NBEA: variants seen among roughly 807,000 people sequenced by gnomAD.
NBEA encodes lysosomal-trafficking regulator 2.
A neutral mutation model predicts 343.4 loss-of-function variants in NBEA; 44 were observed. The ratio of observed to expected loss-of-function variants is 0.13; its 90% CI spans 0.10 to 0.16. The LOEUF is 0.16. Among genes scored for constraint, NBEA ranks in the 10% least tolerant of loss-of-function variants. NBEA has a pLI of 1.00. For synonymous variants in NBEA, 1,175 were observed against 1,238.7 expected (o/e 0.95, Z 1.08); for missense variants, 2,555 against 3,631.3 (o/e 0.70, Z 7.62).
At chr13:35,450,856 C>A (rs12864883) in intron 39 of NBEA, among the ~76,000 whole-genome samples, 20,245 of 152,078 alleles carry the variant, frequency 0.13, 1,775 homozygotes, top group East Asian at 0.31. Flanking sequence ...AGAAGTATTT[C>A]ATGTCTGTGG....
intron 40 of NBEA, among the ~76,000 whole-genome samples, chr13:35,468,365 C>T (rs945849155): frequency 6.6e-6 from 1 of 152,152 alleles, no homozygotes; most frequent in African/African-American, 2.4e-5. Flanking sequence ...TAAGCACAGA[C>T]AAAAGCAAGA....
chr13:35,260,306 T>C (rs2152797388), intron 34 of NBEA, among the ~76,000 whole-genome samples: 1 of 152,370 alleles, frequency 6.6e-6, no homozygotes, highest in East Asian at 1.9e-4. Context: ...CATACTTTGA[T>C]TTCTTCTTTT....
intron 8 of NBEA, 96 bp downstream of exon 8, chr13:35,058,959 AGAGTC>A (rs1319446200): frequency 1.4e-4 from 149 of 1,055,650 alleles, no homozygotes; most frequent in Non-Finnish European, 1.8e-4. Flanking sequence ...ATACGGTTTA[AGAGTC>A]ATTTCTATTT....
chr13:35,004,478 G>A (rs1431029680), intron 1 of NBEA, among the ~76,000 whole-genome samples: 1 of 152,154 alleles, frequency 6.6e-6, no homozygotes, highest in Non-Finnish European at 1.5e-5. Context: ...GGGGAAAAAA[G>A]CACTGGACAA....
Position 34,996,064 on chromosome 13 carries a change from A to G in NBEA, c.295-44869A>G, listed in dbSNP as rs1048528117. Among the ~76,000 whole-genome samples the G allele has an allele frequency of 2.0e-5, 3 of 152,166 alleles. No homozygotes were observed. In the East Asian group the frequency reaches 5.8e-4, roughly 29 times the overall value. On this transcript the variant is annotated intron_variant, in intron 1 of 58. Coordinates refer to ENST00000379939, the MANE Select transcript of NBEA (RefSeq NM_001385012.1). Reference sequence around the variant, plus strand: ...TAAATGACTTACCCAAGATCACAATACTAATTTGAAATTGTGTCAGAATTG... The same window carrying G: ...TAAATGACTTACCCAAGATCACAATGCTAATTTGAAATTGTGTCAGAATTG...
chr13:34,967,444 T>C (rs879617374), intron 1 of NBEA, among the ~76,000 whole-genome samples: 4 of 151,954 alleles, frequency 2.6e-5, no homozygotes, highest in Non-Finnish European at 5.9e-5. Flanking sequence ...CTTTTTGGAA[T>C]AGATGTTTTA....
chr13:35,476,300 C>A, intron 41 of NBEA: 1 of 373,022 alleles, frequency 2.7e-6, no homozygotes, highest in East Asian at 1.5e-4. Context: ...GGTTTCCCTG[C>A]TGCTGCTGCT....
intron 55 of NBEA, among the ~76,000 whole-genome samples, chr13:35,659,222 T>C (rs2479440): frequency 0.42 from 63,733 of 152,028 alleles, 13,848 homozygotes; most frequent in Middle Eastern, 0.62. Flanking sequence ...CATAATATCC[T>C]AGTAGCTGTT....
At chr13:35,531,767 G>C (rs983037845) in intron 41 of NBEA, among the ~76,000 whole-genome samples, 17 of 152,184 alleles carry the variant, frequency 1.1e-4, no homozygotes, top group Non-Finnish European at 1.5e-5. Flanking sequence ...TTGGGAGAGA[G>C]CTATTCCAGG....
At chr13:35,456,974 T>C (rs1036728092) in intron 40 of NBEA, among the ~76,000 whole-genome samples, 1 of 151,044 alleles carries the variant, frequency 6.6e-6, no homozygotes, top group Non-Finnish European at 1.5e-5. Context: ...ATACGTATAT[T>C]GTTATTAGTT....
intron 13 of NBEA, among the ~76,000 whole-genome samples, chr13:35,111,887 C>T (rs1472365196): frequency 3.4e-5 from 5 of 148,708 alleles, no homozygotes; most frequent in Admixed American, 6.7e-5. Context: ...ATAATAATCC[C>T]GTTGATAAGG....
intron 55 of NBEA, among the ~76,000 whole-genome samples, chr13:35,662,236 G>A (rs964886865): frequency 3.9e-5 from 6 of 152,138 alleles, no homozygotes; most frequent in Admixed American, 6.5e-5. Context: ...TGTCTATAAG[G>A]AATCTAAAAA....
chr13:35,619,254 C>G (rs2082872884), intron 48 of NBEA, among the ~76,000 whole-genome samples: 1 of 151,968 alleles, frequency 6.6e-6, no homozygotes, highest in Non-Finnish European at 1.5e-5. Context: ...CACCTGTTAG[C>G]CATGTGTTGT....
intron 1 of NBEA, among the ~76,000 whole-genome samples, chr13:34,944,820 A>G (rs556670057): frequency 4.7e-4 from 72 of 152,320 alleles, no homozygotes; most frequent in African/African-American, 1.6e-3. Context: ...AAGTATTCCT[A>G]TGCTTACTTA....
At chr13:35,048,494 A>G (rs2062943872) in intron 4 of NBEA, 69 bp from the exon 5 acceptor site, 11 of 1,414,458 alleles carry the variant, frequency 7.8e-6, no homozygotes, top group African/African-American at 2.9e-5. Flanking sequence ...TGCAAAAGCC[A>G]TATTTGACCT....
intron 41 of NBEA, among the ~76,000 whole-genome samples, chr13:35,496,655 AG>A (rs1442256027): frequency 1.3e-5 from 2 of 151,136 alleles, no homozygotes; most frequent in African/African-American, 4.8e-5. Context: ...AAAAAAGAAT[AG>A]AAAAGAAAAG....
intron 45 of NBEA, among the ~76,000 whole-genome samples, chr13:35,570,902 T>C (rs1219365120): frequency 6.6e-6 from 1 of 152,224 alleles, no homozygotes; most frequent in Non-Finnish European, 1.5e-5. Flanking sequence ...AATGAAGAGA[T>C]GTCCACTAAG....
intron 40 of NBEA, among the ~76,000 whole-genome samples, chr13:35,468,595 T>G (rs2075502117): frequency 6.6e-6 from 1 of 152,052 alleles, no homozygotes; most frequent in South Asian, 2.1e-4. Context: ...CAAAATCACT[T>G]AAGTAAAATC....
chr13:35,555,537 C>G (rs778025199), intron 44 of NBEA, among the ~76,000 whole-genome samples: 3 of 151,996 alleles, frequency 2.0e-5, no homozygotes, highest in Non-Finnish European at 4.4e-5. Flanking sequence ...TTAAAATCTT[C>G]AAATAAAAAT....
Sources: allele counts gnomAD v4.1 joint callset (sites outside exome capture counted in the v4.1 genomes callset), GRCh38; gene constraint gnomAD v4.1.1; transcripts MANE v1.5; gene names NCBI Gene and HGNC (gene_info 2026-07-23, HGNC 2026-07-21).